The following NPIPB11 variants were observed in gnomAD, a reference collection of about 807,000 sequenced individuals.
NPIPB11 encodes the protein nuclear pore complex interacting protein family member B11.
A neutral mutation model predicts 32.8 loss-of-function variants in NPIPB11; 17 were observed. The observed-to-expected ratio is 0.52, with a 90% CI of 0.35 to 0.78. The LOEUF is 0.78. NPIPB11 is among the 30% of genes least tolerant of loss of function. The pLI is 0.01. For missense variants in NPIPB11, 537 were observed against 1,000.4 expected (o/e 0.54, Z 6.25); for synonymous variants, 209 against 398.4 (o/e 0.52, Z 5.66).
intron 2 of NPIPB11, among the ~76,000 whole-genome samples, chr16:29,394,429 C>CTTTT (rs1248252716): frequency 1.6e-5 from 2 of 122,354 alleles, no homozygotes; most frequent in Non-Finnish European, 3.4e-5. Context: ...AAAAAAACCT[C>CTTTT]TTTTTTTTTT....
At chr16:29,402,764 G>GTGTGTGTA (rs1451150111) in intron 2 of NPIPB11, among the ~76,000 whole-genome samples, 7 of 142,212 alleles carry the variant, frequency 4.9e-5, no homozygotes, top group Non-Finnish European at 9.2e-5. Flanking sequence ...GTGTGTGTGT[G>GTGTGTGTA]TATCTCTATA....
intron 2 of NPIPB11, among the ~76,000 whole-genome samples, chr16:29,399,893 A>G (rs1168599970): frequency 4.6e-5 from 7 of 151,934 alleles, no homozygotes. Flanking sequence ...CCTGACCAAC[A>G]TGGTGAAACC....
chr16:29,391,875 C>T (rs1024022937), intron 3 of NPIPB11, among the ~76,000 whole-genome samples: 2 of 151,874 alleles, frequency 1.3e-5, no homozygotes, highest in African/African-American at 4.8e-5. Context: ...TGCCTGCTAC[C>T]ATGCCTGGCT....
intron 5 of NPIPB11, among the ~76,000 whole-genome samples, chr16:29,389,178 G>A (rs1963644141): frequency 7.2e-6 from 1 of 139,000 alleles, no homozygotes; most frequent in African/African-American, 2.7e-5. Flanking sequence ...CTGGGTGACA[G>A]AGTGAGACTC....
chr16:29,389,277 G>C (rs1319325538), intron 5 of NPIPB11, among the ~76,000 whole-genome samples: 1 of 147,218 alleles, frequency 6.8e-6, no homozygotes, highest in Non-Finnish European at 1.5e-5. Context: ...AGGCAGAATT[G>C]CTTCAAACTG....
At chr16:29,383,135 T>C in exon 8 of NPIPB11, 2 of 1,591,864 alleles carry the variant, frequency 1.3e-6, no homozygotes, top group Non-Finnish European at 1.7e-6. Flanking sequence ...GAAGGTCTCT[T>C]GAGATTATCA....
chr16:29,389,668 G>GAAAAAAAAAAAA (rs1160526743), intron 5 of NPIPB11, among the ~76,000 whole-genome samples: 1 of 17,300 alleles, frequency 5.8e-5, no homozygotes, highest in African/African-American at 2.8e-4. Flanking sequence ...TCCATCTCAG[G>GAAAAAAAAAAAA]AAAAAAAAAA....
chr16:29,397,732 C>A (rs1254992354), intron 2 of NPIPB11: 4 of 280,908 alleles, frequency 1.4e-5, no homozygotes, highest in African/African-American at 8.2e-5. Context: ...GGGGACCGGG[C>A]CCGGATCTGA....
upstream of NPIPB11, among the ~76,000 whole-genome samples, chr16:29,404,619 G>A (rs202208357): frequency 0.045 from 6,710 of 148,526 alleles, 166 homozygotes; most frequent in South Asian, 0.06. Context: ...GCTATGCTCT[G>A]TCTCCACCAT....
At chr16:29,390,562 G>C (rs539467328) in intron 3 of NPIPB11, among the ~76,000 whole-genome samples, 3 of 150,890 alleles carry the variant, frequency 2.0e-5, no homozygotes, top group African/African-American at 7.3e-5. Context: ...CTGAGGCAGA[G>C]AACCGTTTGA....
intron 7 of NPIPB11, 57 bp from the exon 8 acceptor site, chr16:29,384,346 C>A (rs1735071162): frequency 1.7e-6 from 1 of 593,606 alleles, no homozygotes; most frequent in Admixed American, 3.8e-5. Flanking sequence ...GACAAAATTA[C>A]CGCCACCAAC....
chr16:29,401,007 CT>C (rs1365662985), intron 2 of NPIPB11, among the ~76,000 whole-genome samples: 1 of 152,114 alleles, frequency 6.6e-6, no homozygotes, highest in Non-Finnish European at 1.5e-5. Flanking sequence ...TCTAAGACCT[CT>C]GTGTCCTGGT....
Position 29,399,416 on chromosome 16 carries a change from CAG to C in NPIPB11, c.120+4265_120+4266del, listed in dbSNP as rs1223404949. On this transcript the variant is annotated intron_variant, in intron 2 of 7. Transcript: ENST00000524087. Reference sequence around the variant, plus strand: ...AGAAACAAGCAAAACAAAAACAAAACAGGGGCTGGGTGTGGTGGCTCACGCCT... The same window carrying C: ...AGAAACAAGCAAAACAAAAACAAAACGGGCTGGGTGTGGTGGCTCACGCCT... 6.7e-5 allele frequency among the ~76,000 whole-genome samples: 10 copies of C among 149,676 alleles called. No homozygotes were observed. In the East Asian group the frequency reaches 7.9e-4, roughly 12 times the overall value.
At position 29,401,683 on chromosome 16, in the gene NPIPB11, C is replaced by T. The variant is rs538882555; in HGVS notation, c.120+2000G>A. On this transcript the variant is annotated intron_variant, in intron 2 of 7. Transcript: ENST00000524087. The stretch of plus-strand genomic sequence containing the variant: ...ATGTACCCATGGGATTTGCTTTGAC[C>T]CAAGAGATGTGAGTGGAAGTGAAGT... Among the ~76,000 whole-genome samples the T allele has an allele frequency of 1.1e-3, 171 of 152,198 alleles. 1 individual carries two copies. The highest frequency in any genetic ancestry group is 4.0e-3 in the African/African-American group (168 of 41,516).
At chr16:29,383,202 T>C in exon 8 of NPIPB11, 1 of 1,566,558 alleles carries the variant, frequency 6.4e-7, no homozygotes, top group Non-Finnish European at 8.7e-7. Flanking sequence ...GATATTATCA[T>C]CTGCTGAGGG....
At chr16:29,397,566 A>C in intron 2 of NPIPB11, 1 of 1,522,094 alleles carries the variant, frequency 6.6e-7, no homozygotes, top group South Asian at 1.2e-5. Flanking sequence ...GCGTCTACTC[A>C]CACGGATGCA....
chr16:29,401,086 T>C (rs185320474), intron 2 of NPIPB11, among the ~76,000 whole-genome samples: 2 of 152,062 alleles, frequency 1.3e-5, no homozygotes, highest in African/African-American at 4.8e-5. Context: ...CCCACGATGT[T>C]TTGGGAGAGT....
intron 5 of NPIPB11, among the ~76,000 whole-genome samples, chr16:29,389,697 A>AAAAAAG: frequency 7.3e-6 from 1 of 136,888 alleles, no homozygotes; most frequent in Admixed American, 7.4e-5. Context: ...AAAAAAAAAA[A>AAAAAAG]AGAGAAAGGA....
exon 5 of NPIPB11, chr16:29,390,007 C>G (rs1461984420): frequency 4.4e-6 from 7 of 1,592,560 alleles, no homozygotes; most frequent in Non-Finnish European, 5.9e-6. Context: ...TGTCACCTTC[C>G]TCTTACGGAT....
Sources: gnomAD v4.1 joint callset for allele counts (sites outside exome capture counted in the v4.1 genomes callset) on GRCh38, gnomAD v4.1.1 for gene constraint, MANE v1.5 for transcripts, NCBI Gene and HGNC (gene_info 2026-07-23, HGNC 2026-07-21) for gene names.